SLC24A2: variants seen among roughly 807,000 people sequenced by gnomAD.
SLC24A2 encodes sodium/potassium/calcium exchanger 2.
A neutral mutation model predicts 62.0 loss-of-function variants in SLC24A2; 36 were observed. That is an observed-to-expected ratio of 0.58 (90% CI 0.44 to 0.77). SLC24A2 has a LOEUF of 0.77. Among genes scored for constraint, SLC24A2 ranks in the 30% least tolerant of loss-of-function variants. The pLI is 0.00. For synonymous variants in SLC24A2, 358 were observed against 294.0 expected, an observed-to-expected ratio of 1.22 and a Z score of -2.23; for missense variants, 846 against 817.9, an observed-to-expected ratio of 1.03 and a Z score of -0.42.
At chr9:19,999,417 T>C in the SLC24A2 span, among the ~76,000 whole-genome samples, 19 of 152,336 alleles carry the variant, frequency 1.2e-4, no homozygotes, top group East Asian at 3.5e-3. Flanking sequence ...AATGGTACCT[T>C]TTCTAGAAAA....
At chr9:19,804,632 T>G in the SLC24A2 span, among the ~76,000 whole-genome samples, 1 of 152,092 alleles carries the variant, frequency 6.6e-6, no homozygotes, top group African/African-American at 2.4e-5. Flanking sequence ...GATGCTTTAT[T>G]TTCATTTTCT....
At chr9:19,898,235 C>T in the SLC24A2 span, among the ~76,000 whole-genome samples, 1 of 152,164 alleles carries the variant, frequency 6.6e-6, no homozygotes, top group East Asian at 1.9e-4. Flanking sequence ...ATGCTGGCAC[C>T]TTGTGGAAGC....
the SLC24A2 span, among the ~76,000 whole-genome samples, chr9:19,870,948 T>C: frequency 2.0e-5 from 3 of 152,122 alleles, no homozygotes; most frequent in African/African-American, 7.2e-5. Flanking sequence ...TTTTTTCCCA[T>C]CCTCTGGGTT....
chr9:19,588,514 C>A (rs1482721096), intron 5 of SLC24A2, among the ~76,000 whole-genome samples: 1 of 152,106 alleles, frequency 6.6e-6, no homozygotes, highest in Non-Finnish European at 1.5e-5. Context: ...AGGTCAAATA[C>A]CTCTACCATA....
chr9:19,532,122 G>A (rs1348884525), intron 8 of SLC24A2, among the ~76,000 whole-genome samples: 5 of 152,088 alleles, frequency 3.3e-5, no homozygotes, highest in Non-Finnish European at 7.4e-5. Flanking sequence ...CCCTGTTGTT[G>A]CCCAGGCTGG....
chr9:20,227,973 C>G, the SLC24A2 span, among the ~76,000 whole-genome samples: 1 of 152,122 alleles, frequency 6.6e-6, no homozygotes, highest in Non-Finnish European at 1.5e-5. Flanking sequence ...GGACTCTCTT[C>G]CCTCCAGAAT....
chr9:19,883,349 A>G, the SLC24A2 span, among the ~76,000 whole-genome samples: 1 of 152,220 alleles, frequency 6.6e-6, no homozygotes, highest in African/African-American at 2.4e-5. Context: ...GCTTTCCTAA[A>G]TTGTGTACAA....
chr9:19,516,046 C>G lies in SLC24A2; in HGVS notation c.*107G>C. On this transcript the variant is annotated 3_prime_UTR_variant, in exon 11 of 11. Transcript: ENST00000341998. ...AAATTCACCAAGGAGGGACACTTGG[C>G]ACCCAGGGCTGTGTGCCAGCTGCCT... is the stretch of plus-strand genomic sequence containing the variant. The G allele has an allele frequency of 7.2e-7, 1 of 1,392,360 alleles. No homozygotes were observed. Among genetic ancestry groups the G allele is most frequent in the Non-Finnish European group, 1.0e-6 (1 of 980,496 alleles). The allele number at this position is 1,392,360 out of a possible 1,614,324, so 86.3% of individuals were successfully genotyped here. A position where few individuals can be genotyped will look rare whatever the true frequency, so the allele number is the denominator to read the frequency against.
chr9:20,232,460 T>G, the SLC24A2 span, among the ~76,000 whole-genome samples: 7 of 152,344 alleles, frequency 4.6e-5, no homozygotes, highest in Admixed American at 2.6e-4. Context: ...TGGTTTAGTC[T>G]TGGGAGGATG....
At chr9:19,984,840 G>A in the SLC24A2 span, among the ~76,000 whole-genome samples, 1 of 152,160 alleles carries the variant, frequency 6.6e-6, no homozygotes, top group Admixed American at 6.5e-5. Flanking sequence ...ATGCAAAATA[G>A]TAAAGTTGGA....
At chr9:19,533,655 C>G (rs538463772) in intron 8 of SLC24A2, among the ~76,000 whole-genome samples, 5 of 152,180 alleles carry the variant, frequency 3.3e-5, no homozygotes, top group Non-Finnish European at 5.9e-5. Flanking sequence ...CTGTACCAAC[C>G]AGCTCCCAGC....
the SLC24A2 span, among the ~76,000 whole-genome samples, chr9:20,002,496 T>C: frequency 6.6e-6 from 1 of 151,946 alleles, no homozygotes; most frequent in Non-Finnish European, 1.5e-5. Context: ...CTGCACTTAC[T>C]GTTAAAACAA....
the SLC24A2 span, among the ~76,000 whole-genome samples, chr9:20,141,996 C>G: frequency 6.6e-6 from 1 of 151,992 alleles, no homozygotes; most frequent in African/African-American, 2.4e-5. Flanking sequence ...GGCAGGAGAA[C>G]TATTGGAACC....
chr9:20,080,066 G>C, the SLC24A2 span, among the ~76,000 whole-genome samples: 2 of 152,152 alleles, frequency 1.3e-5, no homozygotes, highest in Admixed American at 6.5e-5. Flanking sequence ...GTAATTTATA[G>C]ATTCAATGCC....
chr9:19,883,778 G>A, the SLC24A2 span, among the ~76,000 whole-genome samples: 2 of 152,074 alleles, frequency 1.3e-5, no homozygotes, highest in Non-Finnish European at 2.9e-5. Context: ...TGTTAGCCAG[G>A]ATGGTCTTGA....
At chr9:19,789,349 G>C (rs1180427414), upstream of SLC24A2, among the ~76,000 whole-genome samples, 8 of 152,222 alleles carry the variant, frequency 5.3e-5, no homozygotes, top group Non-Finnish European at 1.5e-5. Context: ...GCTGGGCACC[G>C]CCTCTCCAAT....
chr9:19,967,079 A>G, the SLC24A2 span, among the ~76,000 whole-genome samples: 4 of 152,160 alleles, frequency 2.6e-5, no homozygotes, highest in African/African-American at 9.7e-5. Context: ...AAAAATTAAC[A>G]TATATATTTA....
At chr9:19,883,573 T>TG in the SLC24A2 span, among the ~76,000 whole-genome samples, 2 of 79,868 alleles carry the variant, frequency 2.5e-5, no homozygotes, top group South Asian at 6.9e-4. Flanking sequence ...TGTACATTGT[T>TG]TTTTTTTTTT....
At chr9:20,260,842 A>ATTATT in the SLC24A2 span, among the ~76,000 whole-genome samples, 1 of 124,966 alleles carries the variant, frequency 8.0e-6, no homozygotes, top group Non-Finnish European at 1.6e-5. Context: ...CCAACGTATC[A>ATTATT]TTCTTTCTTT....
Sources: allele counts gnomAD v4.1 joint callset (sites outside exome capture counted in the v4.1 genomes callset), GRCh38; gene constraint gnomAD v4.1.1; transcripts MANE v1.5; gene names NCBI Gene and HGNC (gene_info 2026-07-23, HGNC 2026-07-21).